DGKB: variants seen among roughly 807,000 people sequenced by gnomAD.
DGKB encodes diacylglycerol kinase beta, also known as 90 kDa diacylglycerol kinase.
Under a neutral mutation model 114.3 loss-of-function variants are expected in DGKB, and 67 were observed. That is an observed-to-expected ratio of 0.59 (90% CI 0.48 to 0.72). The LOEUF (loss-of-function observed/expected upper bound fraction) is 0.72, where lower values mean the gene tolerates loss of function less well. DGKB is among the 30% of genes least tolerant of loss of function. DGKB has a pLI of 0.00. For synonymous variants in DGKB, 398 were observed against 323.1 expected (o/e 1.23, Z -2.49); for missense variants, 907 against 975.2 (o/e 0.93, Z 0.93).
At chr7:14,696,684 AT>A (rs1314821377) in intron 8 of DGKB, among the ~76,000 whole-genome samples, 3 of 152,180 alleles carry the variant, frequency 2.0e-5, no homozygotes, top group Non-Finnish European at 4.4e-5. Context: ...ATAATCAGAA[AT>A]TCCTGGCTTT....
At chr7:14,501,096 A>T (rs907735853) in intron 20 of DGKB, among the ~76,000 whole-genome samples, 5 of 151,922 alleles carry the variant, frequency 3.3e-5, no homozygotes, top group Admixed American at 2.6e-4. Flanking sequence ...TATTCTCAAG[A>T]TAAGAATTGG....
chr7:14,301,023 T>G (rs1803451709), intron 23 of DGKB, among the ~76,000 whole-genome samples: 1 of 152,122 alleles, frequency 6.6e-6, no homozygotes. Context: ...CATCACTGTT[T>G]CATATGGCAC....
intron 1 of DGKB, among the ~76,000 whole-genome samples, chr7:14,902,034 A>G (rs1345116218): frequency 2.0e-5 from 3 of 152,168 alleles, no homozygotes; most frequent in Non-Finnish European, 4.4e-5. Flanking sequence ...ACTGAAGAGT[A>G]TTTGAATGTT....
intron 22 of DGKB, among the ~76,000 whole-genome samples, chr7:14,341,934 CTA>C (rs1043250419): frequency 1.3e-5 from 2 of 151,884 alleles, no homozygotes; most frequent in African/African-American, 4.8e-5. Context: ...AGGTCTGATT[CTA>C]TGTCTATATC....
chr7:14,913,544 C>T (rs888376122), intron 1 of DGKB, among the ~76,000 whole-genome samples: 4 of 150,336 alleles, frequency 2.7e-5, no homozygotes, highest in South Asian at 2.1e-4. Context: ...CATTAAGGAC[C>T]TTTAACTAGG....
chr7:14,511,115 G>A (rs1406402082), intron 20 of DGKB, among the ~76,000 whole-genome samples: 2 of 152,160 alleles, frequency 1.3e-5, no homozygotes, highest in Admixed American at 6.5e-5. Context: ...GTCACCAACT[G>A]CATTAGCTCC....
intron 2 of DGKB, 48 bp from the exon 3 acceptor site, chr7:14,757,779 G>A (rs1322406406): frequency 8.6e-6 from 9 of 1,041,836 alleles, no homozygotes; most frequent in Middle Eastern, 2.0e-4. Flanking sequence ...ACATACTGTG[G>A]TTGTGTAGCC....
chr7:14,971,814 T>A (rs1295789714), intron 1 of DGKB, among the ~76,000 whole-genome samples: 1 of 150,978 alleles, frequency 6.6e-6, no homozygotes, highest in Non-Finnish European at 1.5e-5. Context: ...CCAGGCTGAA[T>A]TGCAGTGGCA....
At chr7:14,283,145 G>A (rs934472965) in intron 23 of DGKB, among the ~76,000 whole-genome samples, 1 of 151,662 alleles carries the variant, frequency 6.6e-6, no homozygotes, top group African/African-American at 2.4e-5. Context: ...TCCTTAAGCT[G>A]ATAAGCAACT....
At chr7:14,520,582 T>G (rs1222325891) in intron 20 of DGKB, among the ~76,000 whole-genome samples, 1 of 152,022 alleles carries the variant, frequency 6.6e-6, no homozygotes, top group African/African-American at 2.4e-5. Flanking sequence ...TTTTGATCCA[T>G]GAGAGATTCA....
chr7:14,787,647 A>T (rs1840088163), intron 2 of DGKB, among the ~76,000 whole-genome samples: 1 of 152,208 alleles, frequency 6.6e-6, no homozygotes, highest in Non-Finnish European at 1.5e-5. Context: ...TGGAGAACTA[A>T]GAGTCACCAG....
intron 23 of DGKB, among the ~76,000 whole-genome samples, chr7:14,184,626 C>A (rs988856864): frequency 6.6e-6 from 1 of 151,964 alleles, no homozygotes; most frequent in Non-Finnish European, 1.5e-5. Context: ...TGCAGCAAGA[C>A]CCACCCAAGG....
rs1784713722 is a variant in DGKB at position 14,925,789 on chromosome 7, G to A, written c.-188+48907C>T. Among the ~76,000 whole-genome samples, 3 of 151,972 alleles carry A rather than the reference G, an allele frequency of 2.0e-5. No homozygotes were observed. The South Asian group carries it at 6.2e-4, about 32-fold the overall frequency. On this transcript the variant is annotated intron_variant, in intron 1 of 4. Coordinates refer to the DGKB transcript ENST00000437998. Reference sequence around the variant, plus strand: ...AATTCACTTATTGTTCCAAGGTATTGTTTGGTTTAGTTTTTCAGTTTCTAT... The same window carrying A: ...AATTCACTTATTGTTCCAAGGTATTATTTGGTTTAGTTTTTCAGTTTCTAT...
chr7:14,418,495 G>A (rs973585949), intron 21 of DGKB, among the ~76,000 whole-genome samples: 1 of 150,784 alleles, frequency 6.6e-6, no homozygotes, highest in African/African-American at 2.4e-5. Flanking sequence ...AATACAAAGT[G>A]AACCATAGTG....
intron 23 of DGKB, among the ~76,000 whole-genome samples, chr7:14,314,183 A>T (rs1806002979): frequency 6.6e-6 from 1 of 152,198 alleles, no homozygotes; most frequent in African/African-American, 2.4e-5. Context: ...AGATGGGGAA[A>T]AAACAGAACA....
intron 2 of DGKB, among the ~76,000 whole-genome samples, chr7:14,785,173 T>C (rs1391978784): frequency 6.6e-6 from 1 of 152,136 alleles, no homozygotes; most frequent in Non-Finnish European, 1.5e-5. Flanking sequence ...TTTCAAAGTC[T>C]CGGAAAAAAT....
chr7:14,654,156 T>A (rs1439381324), intron 13 of DGKB, among the ~76,000 whole-genome samples: 4 of 152,002 alleles, frequency 2.6e-5, no homozygotes, highest in Non-Finnish European at 4.4e-5. Context: ...CACAAAAAAC[T>A]CTTATGACTA....
chr7:14,948,784 CATA>C (rs1305945961), intron 1 of DGKB, among the ~76,000 whole-genome samples: 1 of 151,552 alleles, frequency 6.6e-6, no homozygotes, highest in East Asian at 1.9e-4. Context: ...ACATTAACAA[CATA>C]ATAAGTTAAT....
In DGKB at chr7:14,374,635, A is replaced by G. The variant is rs62444595; in HGVS notation, c.1836-29244T>C. Among the ~76,000 whole-genome samples the G allele has an allele frequency of 5.5e-3, 837 of 152,240 alleles. 4 individuals are homozygous for G. The highest frequency in any genetic ancestry group is 0.017 in the Middle Eastern group (5 of 294). On this transcript the variant is annotated intron_variant, in intron 21 of 25. Coordinates refer to ENST00000402815, the MANE Select transcript of DGKB (RefSeq NM_001350709.2). ...GATCTAAATTCTGCCTGTCTTAACA[A>G]CCCTTTGGTATGATAATAAGAGCTA...
Sources: allele counts gnomAD v4.1 joint callset (sites outside exome capture counted in the v4.1 genomes callset), GRCh38; gene constraint gnomAD v4.1.1; transcripts MANE v1.5; gene names NCBI Gene and HGNC (gene_info 2026-07-23, HGNC 2026-07-21).